CAMTA1: variants seen among roughly 807,000 people sequenced by gnomAD.
CAMTA1 encodes the protein calmodulin binding transcription activator 1.
Under a neutral mutation model 170.9 loss-of-function variants are expected in CAMTA1, and 27 were observed. The observed-to-expected ratio is 0.16, with a 90% CI of 0.12 to 0.22. The LOEUF is 0.22. Among genes scored for constraint, CAMTA1 ranks in the 10% least tolerant of loss-of-function variants. CAMTA1 has a pLI of 1.00. For missense variants in CAMTA1, 1,619 were observed against 2,217.2 expected (o/e 0.73, Z 5.42); for synonymous variants, 833 against 891.5 (o/e 0.93, Z 1.17).
At chr1:7,285,891 G>A (rs1331676348) in intron 5 of CAMTA1, among the ~76,000 whole-genome samples, 1 of 152,186 alleles carries the variant, frequency 6.6e-6, no homozygotes, top group African/African-American at 2.4e-5. Context: ...GGAGGCTCAT[G>A]ATAGGGGTGA....
Position 7,146,652 on chromosome 1 carries a change from C to T in CAMTA1, c.302+55281C>T, listed in dbSNP as rs1028776057. Among the ~76,000 whole-genome samples, 30 of 152,092 alleles carry T rather than the reference C, an allele frequency of 2.0e-4. No homozygotes were observed. The highest frequency in any genetic ancestry group is 7.0e-4 in the African/African-American group (29 of 41,398). ...CTGGGGCTGGGTCCTCACTGCTTCCCTGGGACCGGCTGTGTAGGGGTTGAT... is the reference window on the plus strand; with the variant it reads ...CTGGGGCTGGGTCCTCACTGCTTCCTTGGGACCGGCTGTGTAGGGGTTGAT... On this transcript the variant is annotated intron_variant, in intron 4 of 22. Coordinates refer to ENST00000303635, the MANE Select transcript of CAMTA1 (RefSeq NM_015215.4). This position sits in a 1 kb window ranked among gnomAD's most constrained non-coding sequence, Gnocchi z 4.3.
intron 5 of CAMTA1, among the ~76,000 whole-genome samples, chr1:7,305,983 A>AT (rs548117637): frequency 7.0e-4 from 107 of 151,914 alleles, no homozygotes; most frequent in African/African-American, 2.4e-3. Flanking sequence ...ATCTGTCCAA[A>AT]TTTTTGTCCA....
At position 7,570,800 on chromosome 1, in the gene CAMTA1, A is replaced by G. The variant is rs944515353; in HGVS notation, c.511-69600A>G. The stretch of plus-strand genomic sequence containing the variant: ...CCGCAGAGGGAAAATCAGTGTTATC[A>G]TGCGAGGATGGGGATAGGGTACGGA... On this transcript the variant is annotated intron_variant, in intron 6 of 22. Coordinates refer to ENST00000303635, the MANE Select transcript of CAMTA1 (RefSeq NM_015215.4). The surrounding 1 kb of genome is among the most constrained non-coding windows in gnomAD (Gnocchi z 4.3). 2.0e-5 allele frequency among the ~76,000 whole-genome samples: 3 copies of G among 152,160 alleles called. No homozygotes were observed. The highest frequency in any genetic ancestry group is 4.4e-5 in the Non-Finnish European group (3 of 68,036).
intron 4 of CAMTA1, among the ~76,000 whole-genome samples, chr1:7,167,369 T>C (rs970759375): frequency 1.3e-5 from 2 of 152,176 alleles, no homozygotes; most frequent in African/African-American, 4.8e-5. Flanking sequence ...TGTCCATAGA[T>C]GATTCCTGTC....
intron 4 of CAMTA1, among the ~76,000 whole-genome samples, chr1:7,212,550 A>G (rs1196360984): frequency 2.0e-5 from 3 of 152,216 alleles, no homozygotes; most frequent in East Asian, 1.9e-4. Flanking sequence ...TTCTATTTCA[A>G]GACAACTGTT....
chr1:6,800,527 A>G (rs1033029017), intron 1 of CAMTA1, among the ~76,000 whole-genome samples: 1 of 152,200 alleles, frequency 6.6e-6, no homozygotes, highest in African/African-American at 2.4e-5. Context: ...GAGGGTTCAT[A>G]GTTTTGGAAA....
At chr1:7,400,922 T>C (rs2089855210) in intron 5 of CAMTA1, among the ~76,000 whole-genome samples, 1 of 152,256 alleles carries the variant, frequency 6.6e-6, no homozygotes, top group Non-Finnish European at 1.5e-5. Context: ...TTTATCATTA[T>C]GTGATTTGCA....
chr1:7,229,695 G>A (rs1200991260), intron 4 of CAMTA1, among the ~76,000 whole-genome samples: 1 of 151,934 alleles, frequency 6.6e-6, no homozygotes, highest in Non-Finnish European at 1.5e-5. Flanking sequence ...GAGCGAGCCT[G>A]TGAGCCAGGA....
At chr1:7,222,755 C>A (rs1398898295) in intron 4 of CAMTA1, among the ~76,000 whole-genome samples, 2 of 152,270 alleles carry the variant, frequency 1.3e-5, no homozygotes, top group African/African-American at 4.8e-5. Flanking sequence ...CCAGAGGATG[C>A]CCATTGGTCT....
chr1:7,540,074 A>G (rs1028407094), intron 6 of CAMTA1, among the ~76,000 whole-genome samples: 1 of 151,950 alleles, frequency 6.6e-6, no homozygotes, highest in Non-Finnish European at 1.5e-5. Flanking sequence ...TACACACCCA[A>G]CGTTGTACAT....
At chr1:7,015,241 G>C (rs1700361772) in intron 3 of CAMTA1, among the ~76,000 whole-genome samples, 1 of 152,144 alleles carries the variant, frequency 6.6e-6, no homozygotes, top group African/African-American at 2.4e-5. Flanking sequence ...AGTTGAGTGG[G>C]AGGCGCTAAT....
chr1:7,504,955 GC>G (rs2094077380), intron 6 of CAMTA1, among the ~76,000 whole-genome samples: 1 of 150,258 alleles, frequency 6.7e-6, no homozygotes, highest in Non-Finnish European at 1.5e-5. Flanking sequence ...GCACACAGAT[GC>G]CTCATGGGCA....
At chr1:7,576,921 T>A (rs1416822215) in intron 6 of CAMTA1, among the ~76,000 whole-genome samples, 2 of 152,166 alleles carry the variant, frequency 1.3e-5, no homozygotes, top group East Asian at 3.8e-4. Flanking sequence ...TTAATGAAGA[T>A]CTGTCTTATG....
chr1:7,053,674 C>A (rs1051274000), intron 3 of CAMTA1, among the ~76,000 whole-genome samples: 3 of 152,200 alleles, frequency 2.0e-5, no homozygotes, highest in Admixed American at 1.3e-4. Context: ...GGCCACTTCT[C>A]GAAGCAGGGC....
Position 7,766,742 on chromosome 1 carries a change from T to C in CAMTA1, c.*251T>C, listed in dbSNP as rs1330570804. ...ATCAGCAAGACATCTTGGAACTCAA[T>C]CTTCTGTTGGATCACGGGAAATCAA... is the stretch of plus-strand genomic sequence containing the variant. On this transcript the variant is annotated 3_prime_UTR_variant, in exon 23 of 23. Transcript: ENST00000303635. The C allele has an allele frequency of 2.0e-6, 1 of 495,186 alleles. No individual in the cohort carries two copies. The highest frequency in any genetic ancestry group is 1.9e-5 in the African/African-American group (1 of 52,016). The allele number at this position is 495,186 out of a possible 1,614,324, so 30.7% of individuals were successfully genotyped here. A position where few individuals can be genotyped will look rare whatever the true frequency, so the allele number is the denominator to read the frequency against.
At chr1:7,091,994 T>G (rs963409033) in intron 4 of CAMTA1, among the ~76,000 whole-genome samples, 1 of 152,224 alleles carries the variant, frequency 6.6e-6, no homozygotes, top group African/African-American at 2.4e-5. Context: ...ATGTTGGGAC[T>G]TAGGGTTGAT....
Position 6,900,185 on chromosome 1 carries a change from A to G in CAMTA1, c.234+74975A>G, listed in dbSNP as rs117366236. Among the ~76,000 whole-genome samples, 34 of 152,324 alleles carry G rather than the reference A, an allele frequency of 2.2e-4. 1 individual carries two copies. The East Asian group carries it at 5.6e-3, about 25-fold the overall frequency. Reference sequence around the variant, plus strand: ...CATATGCTGCTTCATTGCTTGGTACATTGGTAGTCATCAGGCCTGCCACCA... The same window carrying G: ...CATATGCTGCTTCATTGCTTGGTACGTTGGTAGTCATCAGGCCTGCCACCA... On this transcript the variant is annotated intron_variant, in intron 3 of 22. Transcript: ENST00000303635.
intron 6 of CAMTA1, among the ~76,000 whole-genome samples, chr1:7,498,191 A>AGTGAGTGTTGGTGT (rs112193369): frequency 6.1e-4 from 90 of 148,628 alleles, no homozygotes; most frequent in African/African-American, 2.0e-3. Flanking sequence ...TATGAGAGTG[A>AGTGAGTGTTGGTGT]GTGTGTGTGT....
At chr1:7,727,937 C>T (rs2096703410) in intron 11 of CAMTA1, among the ~76,000 whole-genome samples, 1 of 152,204 alleles carries the variant, frequency 6.6e-6, no homozygotes, top group Non-Finnish European at 1.5e-5. Context: ...GACCGCACTC[C>T]CTGGGTGCCA....
Sources: allele counts gnomAD v4.1 joint callset (sites outside exome capture counted in the v4.1 genomes callset), GRCh38; gene constraint gnomAD v4.1.1; non-coding constraint Gnocchi (gnomAD v3.1); transcripts MANE v1.5; gene names NCBI Gene and HGNC (gene_info 2026-07-23, HGNC 2026-07-21).